The following ANK3 variants were observed in gnomAD, a reference collection of about 807,000 sequenced individuals.
The protein encoded by ANK3 is ankyrin 3.
In ANK3, 57 loss-of-function variants were observed where a neutral mutation model predicts 370.9. That is an observed-to-expected ratio of 0.15 (90% CI 0.12 to 0.19). The LOEUF is 0.19. Among genes scored for constraint, ANK3 ranks in the 10% least tolerant of loss-of-function variants. The probability of loss-of-function intolerance (pLI) is 1.00; values close to 1 mark genes in which losing one functional copy is unlikely to be tolerated. For synonymous variants in ANK3, 1,929 were observed against 1,946.3 expected (o/e 0.99, Z 0.23); for missense variants, 4,439 against 5,302.1 (o/e 0.84, Z 5.06).
chr10:60,580,038 T>C (rs7100617), intron 2 of ANK3, among the ~76,000 whole-genome samples: 1,623 of 152,302 alleles, frequency 0.011, 34 homozygotes, highest in African/African-American at 0.037. Flanking sequence ...AACAATCTTT[T>C]GTCATATTTA....
At chr10:60,147,890 T>G (rs2094911621) in intron 23 of ANK3, among the ~76,000 whole-genome samples, 1 of 152,256 alleles carries the variant, frequency 6.6e-6, no homozygotes, top group Admixed American at 6.5e-5. Context: ...TATTTCTTTA[T>G]AGCAGTGTGA....
At chr10:60,410,913 A>G (rs1474985904) in intron 2 of ANK3, among the ~76,000 whole-genome samples, 1 of 151,952 alleles carries the variant, frequency 6.6e-6, no homozygotes, top group Admixed American at 6.6e-5. Context: ...GCCTCAGGCA[A>G]TCCTCCTGTC....
intron 2 of ANK3, among the ~76,000 whole-genome samples, chr10:60,403,666 C>T (rs952175434): frequency 3.9e-5 from 6 of 152,166 alleles, no homozygotes; most frequent in Non-Finnish European, 8.8e-5. Context: ...CGGCTCATTG[C>T]AAGCTCCACC....
In ANK3 at chr10:60,705,816, T is replaced by TC. The variant is rs1188103425; in HGVS notation, c.57+27446_57+27447insG. On this transcript the variant is annotated intron_variant, in intron 1 of 43. Transcript: ENST00000373827. ...TTTGTTTTCTACTAGAGGTTTTTTT[T>TC]TTTCTTTCTTTTTTTTTTTTTTTTT... Among the ~76,000 whole-genome samples the TC allele has an allele frequency of 2.9e-3, 369 of 125,194 alleles. 1 individual carries two copies. Among genetic ancestry groups the TC allele is most frequent in the African/African-American group, 9.3e-3 (330 of 35,366 alleles). The allele number at this position is 125,194 out of a possible 152,430, so 82.1% of individuals were successfully genotyped here. A position where few individuals can be genotyped will look rare whatever the true frequency, so the allele number is the denominator to read the frequency against.
rs763403934 is a variant in ANK3 at position 60,075,536 on chromosome 10, A to G, written c.5345T>C (p.Val1782Ala). 4.3e-6 allele frequency: 7 copies of G among 1,613,866 alleles called. No homozygotes were observed. Among genetic ancestry groups the G allele is most frequent in the Non-Finnish European group, 5.9e-6 (7 of 1,180,012 alleles). Residue 1782 changes from valine to alanine, a missense_variant, in exon 37 of 44, where the codon GTT becomes GCT. Coordinates refer to ENST00000280772, the MANE Select transcript of ANK3 (RefSeq NM_020987.5). Reference protein sequence around the residue: ...AMPFSPLRSYVSAAPSAFQSL... With the variant: ...AMPFSPLRSYASAAPSAFQSL... ...CTGAAAAGCTGATGGTGCTGCAGAA[A>G]CATATGACCTGAGTGGGGAAAATGG...
chr10:60,270,737 G>T (rs1348543228), intron 4 of ANK3, among the ~76,000 whole-genome samples: 2 of 152,098 alleles, frequency 1.3e-5, no homozygotes, highest in Non-Finnish European at 2.9e-5. Context: ...ATCTCAAATA[G>T]CTTCAAAGCT....
At position 60,166,601 on chromosome 10, in the gene ANK3, A is replaced by G. The variant is rs377483101; in HGVS notation, c.2604T>C (p.Asp868=). The part of the protein sequence containing the change: ...EMLSDGEYIS[D]VEEGEDAMTG... ...AAAATTTACAAATACCTTCTTCAAC[A>G]TCTGAGATATATTCGCCATCACTGA... The change falls in exon 23 of 44, where the codon GAT becomes GAC. Residue 868 remains aspartate, a synonymous_variant. Transcript: ENST00000280772. 1 of 1,613,492 alleles carries G rather than the reference A, an allele frequency of 6.2e-7. No individual in the cohort carries two copies. Among genetic ancestry groups the G allele is most frequent in the Non-Finnish European group, 8.5e-7 (1 of 1,179,708 alleles).
At chr10:60,396,819 G>A (rs1015094035) in intron 2 of ANK3, among the ~76,000 whole-genome samples, 3 of 152,124 alleles carry the variant, frequency 2.0e-5, no homozygotes, top group African/African-American at 7.2e-5. Context: ...ACCTTACAGA[G>A]ACCTTATCCT....
intron 1 of ANK3, chr10:60,684,673 G>C (rs765991156): frequency 6.0e-5 from 96 of 1,588,078 alleles, no homozygotes; most frequent in Non-Finnish European, 8.0e-5. Context: ...ATTTAACACT[G>C]AGAAAATTAA....
At chr10:60,036,129 A>G (rs994131546) in intron 43 of ANK3, among the ~76,000 whole-genome samples, 6 of 152,098 alleles carry the variant, frequency 3.9e-5, no homozygotes, top group Non-Finnish European at 8.8e-5. Flanking sequence ...CTGTTGTACT[A>G]ACTTCCTAGG....
chr10:60,418,519 C>A (rs533546108), intron 2 of ANK3, among the ~76,000 whole-genome samples: 103 of 152,062 alleles, frequency 6.8e-4, no homozygotes, highest in Non-Finnish European at 1.2e-3. Context: ...TTTTTTAATG[C>A]CTAGCACCCA....
intron 23 of ANK3, among the ~76,000 whole-genome samples, chr10:60,165,750 G>C (rs567243437): frequency 7.2e-5 from 11 of 152,270 alleles, no homozygotes; most frequent in African/African-American, 1.7e-4. Flanking sequence ...CTACATGACA[G>C]GTGGCAAATG....
chr10:60,466,412 A>G (rs1245868300), intron 2 of ANK3, among the ~76,000 whole-genome samples: 1 of 152,198 alleles, frequency 6.6e-6, no homozygotes, highest in Non-Finnish European at 1.5e-5. Flanking sequence ...AATCTTCAGA[A>G]CAATGGTGAA....
chr10:60,090,811 C>T (rs1292790927), intron 28 of ANK3, among the ~76,000 whole-genome samples: 1 of 152,190 alleles, frequency 6.6e-6, no homozygotes, highest in Non-Finnish European at 1.5e-5. Context: ...TTCATTACTG[C>T]AAGTGGGTGT....
chr10:60,345,242 TC>T (rs2055180243), intron 1 of ANK3, among the ~76,000 whole-genome samples: 3 of 152,152 alleles, frequency 2.0e-5, no homozygotes, highest in African/African-American at 7.2e-5. Context: ...AAATATTACC[TC>T]CCAGCACAAT....
intron 2 of ANK3, among the ~76,000 whole-genome samples, chr10:60,493,717 A>T (rs897066224): frequency 1.3e-5 from 2 of 152,012 alleles, no homozygotes; most frequent in Non-Finnish European, 2.9e-5. Flanking sequence ...TAAGAACTAC[A>T]TAGCCAACCC....
At chr10:60,683,185 T>A (rs1589021701) in intron 1 of ANK3, among the ~76,000 whole-genome samples, 2 of 152,178 alleles carry the variant, frequency 1.3e-5, no homozygotes, top group South Asian at 4.1e-4. Flanking sequence ...AAACTCACGG[T>A]TTGACAAAGT....
Position 60,407,522 on chromosome 10 carries a change from C to T in ANK3, c.97-127883G>A, listed in dbSNP as rs72806161. 5.2e-3 allele frequency among the ~76,000 whole-genome samples: 791 copies of T among 152,296 alleles called. 4 individuals are homozygous for T. Among genetic ancestry groups the T allele is most frequent in the South Asian group, 0.011 (54 of 4,826 alleles). On this transcript the variant is annotated intron_variant, in intron 2 of 43. Coordinates refer to the ANK3 transcript ENST00000373827. The stretch of plus-strand genomic sequence containing the variant: ...TAATGGCTTACCAAAATAATACCAT[C>T]ATAGCAATAATAGATCCATTTAATG...
At chr10:60,533,706 C>A (rs1019699641) in intron 2 of ANK3, among the ~76,000 whole-genome samples, 3 of 151,992 alleles carry the variant, frequency 2.0e-5, no homozygotes, top group Admixed American at 2.0e-4. Flanking sequence ...TCTTATATTC[C>A]AAAGGTAAAT....
Sources: allele counts gnomAD v4.1 joint callset (sites outside exome capture counted in the v4.1 genomes callset), GRCh38; gene constraint gnomAD v4.1.1; transcripts MANE v1.5; gene names NCBI Gene and HGNC (gene_info 2026-07-23, HGNC 2026-07-21).